CHST9: variants seen among roughly 807,000 people sequenced by gnomAD.
CHST9 encodes the protein GalNAc-4-sulfotransferase 2.
A neutral mutation model predicts 44.4 loss-of-function variants in CHST9; 41 were observed. The ratio of observed to expected loss-of-function variants is 0.92; its 90% CI spans 0.72 to 1.20. CHST9 has a LOEUF of 1.20. Among genes scored for constraint, CHST9 ranks in the 50% most tolerant of loss-of-function variants. The pLI, the probability that CHST9 is intolerant of heterozygous loss-of-function variation, is 0.00. For missense variants in CHST9, 504 were observed against 516.5 expected, an observed-to-expected ratio of 0.98 and a Z score of 0.23; for synonymous variants, 171 against 178.4, an observed-to-expected ratio of 0.96 and a Z score of 0.33.
At position 26,908,379 on chromosome 18, in the gene CHST9, T is replaced by A. The variant is rs534837935; in HGVS notation, c.*7880A>T. On this transcript the variant is annotated 3_prime_UTR_variant, in exon 6 of 6. Transcript: ENST00000618847. ...TTGCAGTGAGCAGAGATGGTGCCACTGCACTGCAGCCTGGGCGACAAGAGT... is the reference window on the plus strand; with the variant it reads ...TTGCAGTGAGCAGAGATGGTGCCACAGCACTGCAGCCTGGGCGACAAGAGT... 1 of 151,862 alleles carries A rather than the reference T, an allele frequency of 6.6e-6. No individual in the cohort carries two copies. Among genetic ancestry groups the A allele is most frequent in the African/African-American group, 2.4e-5 (1 of 41,364 alleles). The allele number at this position is 151,862 out of a possible 1,614,324, so 9.4% of individuals were successfully genotyped here. A position where few individuals can be genotyped will look rare whatever the true frequency, so the allele number is the denominator to read the frequency against.
chr18:27,159,526 T>C (rs1294931299), intron 1 of CHST9, among the ~76,000 whole-genome samples: 1 of 152,204 alleles, frequency 6.6e-6, no homozygotes. Context: ...GTAGTATAGT[T>C]TGAAGTCAGG....
intron 4 of CHST9, among the ~76,000 whole-genome samples, chr18:26,962,620 T>A (rs914387374): frequency 2.0e-5 from 3 of 152,176 alleles, no homozygotes; most frequent in African/African-American, 7.2e-5. Flanking sequence ...AATCTTTTTT[T>A]AACTTATCTC....
chr18:26,936,856 A>G (rs2056002100), intron 5 of CHST9, among the ~76,000 whole-genome samples: 1 of 152,190 alleles, frequency 6.6e-6, no homozygotes, highest in Non-Finnish European at 1.5e-5. Flanking sequence ...GGTTAATGCT[A>G]ATTTACATTA....
intron 2 of CHST9, among the ~76,000 whole-genome samples, chr18:27,078,270 C>T (rs1271399679): frequency 6.6e-6 from 1 of 152,154 alleles, no homozygotes; most frequent in Non-Finnish European, 1.5e-5. Flanking sequence ...TGAAGCCCAT[C>T]TATTCCCAAC....
At chr18:27,182,162 T>C (rs1461046692) in intron 1 of CHST9, among the ~76,000 whole-genome samples, 1 of 152,174 alleles carries the variant, frequency 6.6e-6, no homozygotes, top group Non-Finnish European at 1.5e-5. Context: ...GTATTTACTA[T>C]ACATGGTGAA....
At chr18:27,063,118 C>T (rs2057744906) in intron 2 of CHST9, among the ~76,000 whole-genome samples, 3 of 152,038 alleles carry the variant, frequency 2.0e-5, no homozygotes, top group Admixed American at 2.0e-4. Context: ...CAGCTCAGTC[C>T]CAGGGGAAAG....
At chr18:27,000,633 T>TATCTATC (rs1469099909) in intron 4 of CHST9, among the ~76,000 whole-genome samples, 1 of 151,480 alleles carries the variant, frequency 6.6e-6, no homozygotes, top group Non-Finnish European at 1.5e-5. Flanking sequence ...TCTATCTATC[T>TATCTATC]ATCTATCTAT....
At chr18:27,075,387 T>C (rs747567842) in intron 2 of CHST9, among the ~76,000 whole-genome samples, 8 of 152,084 alleles carry the variant, frequency 5.3e-5, no homozygotes, top group Non-Finnish European at 1.2e-4. Flanking sequence ...TGTTTTCAGA[T>C]AGATACCAAA....
intron 5 of CHST9, among the ~76,000 whole-genome samples, chr18:26,926,246 C>A (rs1212412553): frequency 6.6e-6 from 1 of 152,176 alleles, no homozygotes; most frequent in African/African-American, 2.4e-5. Context: ...AAGCTAATTT[C>A]TATGGTCCTC....
intron 2 of CHST9, among the ~76,000 whole-genome samples, chr18:27,124,803 G>A (rs1027113001): frequency 2.6e-5 from 4 of 152,178 alleles, no homozygotes; most frequent in African/African-American, 7.2e-5. Flanking sequence ...TCTGGGATGG[G>A]TCTAAAATGC....
chr18:26,943,652 C>T (rs2056117596), intron 5 of CHST9, among the ~76,000 whole-genome samples: 1 of 152,178 alleles, frequency 6.6e-6, no homozygotes, highest in South Asian at 2.1e-4. Flanking sequence ...TGTAGCTAAG[C>T]TGGCCTGGGG....
chr18:27,124,085 A>T (rs2058399059), intron 2 of CHST9, among the ~76,000 whole-genome samples: 1 of 152,248 alleles, frequency 6.6e-6, no homozygotes, highest in Non-Finnish European at 1.5e-5. Flanking sequence ...CCCGCTGCAC[A>T]CACACAAATG....
intron 2 of CHST9, among the ~76,000 whole-genome samples, chr18:27,088,538 G>A (rs1367426360): frequency 1.3e-5 from 2 of 152,024 alleles, no homozygotes; most frequent in Non-Finnish European, 2.9e-5. Context: ...GGGACTACAG[G>A]CACGTGCCAC....
At chr18:27,086,058 G>A (rs2058009295) in intron 2 of CHST9, among the ~76,000 whole-genome samples, 1 of 152,160 alleles carries the variant, frequency 6.6e-6, no homozygotes, top group African/African-American at 2.4e-5. Flanking sequence ...ATAAGTGGGA[G>A]CTAAACACTG....
intron 3 of CHST9, among the ~76,000 whole-genome samples, chr18:27,034,469 T>A (rs1014526406): frequency 3.9e-5 from 6 of 152,184 alleles, no homozygotes; most frequent in Admixed American, 2.6e-4. Flanking sequence ...TTAAAAAAAA[T>A]TTCATTACCT....
intron 2 of CHST9, among the ~76,000 whole-genome samples, chr18:27,116,363 T>C (rs2058320732): frequency 6.6e-6 from 1 of 152,196 alleles, no homozygotes; most frequent in African/African-American, 2.4e-5. Flanking sequence ...GTATTATTTG[T>C]TAAAAATACT....
At chr18:27,120,504 GA>G (rs2058365624) in intron 2 of CHST9, among the ~76,000 whole-genome samples, 1 of 152,040 alleles carries the variant, frequency 6.6e-6, no homozygotes, top group South Asian at 2.1e-4. Context: ...GGCCATCTTA[GA>G]AACTGTAGGA....
At chr18:26,989,691 C>T (rs2145205665) in intron 4 of CHST9, among the ~76,000 whole-genome samples, 1 of 152,338 alleles carries the variant, frequency 6.6e-6, no homozygotes, top group South Asian at 2.1e-4. Context: ...CGAGGCTGCG[C>T]CTGGTGGCTC....
chr18:26,916,558 C>T lies in CHST9; in HGVS notation c.1033G>A (p.Gly345Arg). 1.9e-6 allele frequency: 3 copies of T among 1,613,694 alleles called. No individual in the cohort carries two copies. The highest frequency in any genetic ancestry group is 2.5e-6 in the Non-Finnish European group (3 of 1,179,656). The change falls in exon 6 of 6, where the codon GGA becomes AGA. Residue 345 changes from glycine to arginine, a missense_variant. By Grantham distance (125) the Gly-to-Arg change is moderately radical (BLOSUM62 -2). Transcript: ENST00000618847. ...ACCTTTTCCCAGTGAATGTCCATTC[C>T]TACTGGACGGTGGGAATCCAGCAAG... ...HYLLDSHRPV[G>R]MDIHWEKVSK...
Sources: allele counts gnomAD v4.1 joint callset (sites outside exome capture counted in the v4.1 genomes callset), GRCh38; gene constraint gnomAD v4.1.1; transcripts MANE v1.5; gene names NCBI Gene and HGNC (gene_info 2026-07-23, HGNC 2026-07-21).